Variants in RPS6KA5 observed in about 807,000 individuals in gnomAD.
The protein encoded by RPS6KA5 is ribosomal protein S6 kinase A5.
In RPS6KA5, 27 loss-of-function variants were observed where a neutral mutation model predicts 85.5. The ratio of observed to expected loss-of-function variants is 0.32; its 90% CI spans 0.23 to 0.44. The LOEUF (loss-of-function observed/expected upper bound fraction) is 0.44. Ranked by LOEUF, RPS6KA5 falls within the 20% of genes least tolerant of loss-of-function variation. The probability of loss-of-function intolerance (pLI) is 1.00; values close to 1 mark genes in which losing one functional copy is unlikely to be tolerated. For missense variants in RPS6KA5, 811 were observed against 980.9 expected (o/e 0.83, Z 2.31); for synonymous variants, 334 against 348.2 (o/e 0.96, Z 0.46).
At chr14:90,893,637 ATAAT>A (rs2034676272) in intron 13 of RPS6KA5, among the ~76,000 whole-genome samples, 2 of 152,166 alleles carry the variant, frequency 1.3e-5, no homozygotes, top group Non-Finnish European at 1.5e-5. Context: ...TAATCACATG[ATAAT>A]TAAACAAAGT....
At chr14:90,906,074 TAATTTCACC>T in intron 8 of RPS6KA5, 66 bp downstream of exon 8, 4 of 1,381,476 alleles carry the variant, frequency 2.9e-6, no homozygotes, top group Non-Finnish European at 3.9e-6. Context: ...CTGTGTTCAC[TAATTTCACC>T]AAGAACGCCA....
rs1057035483 is a variant in RPS6KA5, at chr14:90,850,330, A to C, written c.*21744T>G. On this transcript the variant is annotated 3_prime_UTR_variant, in exon 17 of 17. Coordinates refer to ENST00000614987, the MANE Select transcript of RPS6KA5 (RefSeq NM_004755.4). ...AGTCATGATTGTAGTCAATTTTAAA[A>C]ATAGACATCCTTTCCCTTCTTGCTC... 33 of 152,202 alleles carry C rather than the reference A, an allele frequency of 2.2e-4. No homozygotes were observed. The highest frequency in any genetic ancestry group is 8.0e-4 in the African/African-American group (33 of 41,448). 9.4% of individuals were successfully genotyped at this position (152,202 alleles called of 1,614,324 possible).
At chr14:90,938,379 C>T (rs1053474008) in intron 5 of RPS6KA5, among the ~76,000 whole-genome samples, 5 of 152,254 alleles carry the variant, frequency 3.3e-5, no homozygotes, top group East Asian at 1.9e-4. Context: ...GTGCACGGTG[C>T]GAGCTGTTGG....
intron 14 of RPS6KA5, 129 bp from the exon 15 acceptor site, chr14:90,875,489 T>C: frequency 2.5e-6 from 2 of 803,120 alleles, no homozygotes; most frequent in Non-Finnish European, 3.8e-6. Flanking sequence ...GTTTAAAAGA[T>C]TACGTGATTC....
rs543710455 is a variant in RPS6KA5, at chr14:90,978,946, T to C, written c.176-422A>G. On this transcript the variant is annotated intron_variant, in intron 2 of 16. Transcript: ENST00000614987. ...GGCAGTTCTTAATAAGAATTTCATA[T>C]ATATATAAATCAAATGCCTCAATTA... Among the ~76,000 whole-genome samples, 14 of 152,240 alleles carry C rather than the reference T, an allele frequency of 9.2e-5. 1 individual carries two copies. In the East Asian group the frequency reaches 2.7e-3, roughly 29 times the overall value.
Position 90,868,467 on chromosome 14 carries a change from T to C in RPS6KA5, c.*3607A>G, listed in dbSNP as rs1791853099. On this transcript the variant is annotated 3_prime_UTR_variant, in exon 17 of 17. Coordinates refer to ENST00000614987, the MANE Select transcript of RPS6KA5 (RefSeq NM_004755.4). ...CATGATGTTACAGTAATAATTCATCTATATAACAATTATTTTGACATAAGT... is the reference window on the plus strand; with the variant it reads ...CATGATGTTACAGTAATAATTCATCCATATAACAATTATTTTGACATAAGT... 1.3e-5 allele frequency: 2 copies of C among 152,192 alleles called. No homozygotes were observed. The highest frequency in any genetic ancestry group is 4.8e-5 in the African/African-American group (2 of 41,448). The allele number at this position is 152,192 out of a possible 1,614,324, so 9.4% of individuals were successfully genotyped here.
intron 2 of RPS6KA5, among the ~76,000 whole-genome samples, chr14:90,984,900 G>T (rs899128348): frequency 1.3e-5 from 2 of 151,784 alleles, no homozygotes; most frequent in Non-Finnish European, 2.9e-5. Flanking sequence ...CATTTTATTT[G>T]CAAAATTTGA....
At chr14:90,947,657 T>C (rs990607358) in intron 3 of RPS6KA5, 107 bp from the exon 4 acceptor site, 13 of 661,122 alleles carry the variant, frequency 2.0e-5, no homozygotes, top group African/African-American at 9.1e-5. Flanking sequence ...TTTTAATATA[T>C]TGCTATATAC....
At chr14:90,959,655 A>G (rs2038696757) in intron 3 of RPS6KA5, among the ~76,000 whole-genome samples, 1 of 152,234 alleles carries the variant, frequency 6.6e-6, no homozygotes, top group African/African-American at 2.4e-5. Flanking sequence ...AATGGTAGTC[A>G]TCACCACCAC....
At position 90,858,100 on chromosome 14, in the gene RPS6KA5, C is replaced by G. The variant is rs548442136; in HGVS notation, c.*13974G>C. 1 of 152,126 alleles carries G rather than the reference C, an allele frequency of 6.6e-6. No individual in the cohort carries two copies. The highest frequency in any genetic ancestry group is 6.5e-5 in the Admixed American group (1 of 15,274). 9.4% of individuals were successfully genotyped at this position (152,126 alleles called of 1,614,324 possible). A position where few individuals can be genotyped will look rare whatever the true frequency, so the allele number is the denominator to read the frequency against. On this transcript the variant is annotated 3_prime_UTR_variant, in exon 17 of 17. Transcript: ENST00000614987. ...ATTGGACTAGCCCTCCTACTGAAAA[C>G]AACGATGAAAGCTATATTAACCCTT...
At chr14:91,038,451 A>C (rs2042481920) in intron 1 of RPS6KA5, among the ~76,000 whole-genome samples, 1 of 152,238 alleles carries the variant, frequency 6.6e-6, no homozygotes, top group South Asian at 2.1e-4. Flanking sequence ...TCCCAAAGAC[A>C]ATCTGGAACC....
At chr14:90,893,536 CAAA>C (rs2034672647) in intron 13 of RPS6KA5, among the ~76,000 whole-genome samples, 1 of 151,888 alleles carries the variant, frequency 6.6e-6, no homozygotes, top group Non-Finnish European at 1.5e-5. Context: ...AAGTAAAAGG[CAAA>C]AATAGTGCTT....
At chr14:90,956,787 T>C (rs976923050) in intron 3 of RPS6KA5, among the ~76,000 whole-genome samples, 2 of 152,000 alleles carry the variant, frequency 1.3e-5, no homozygotes, top group Non-Finnish European at 2.9e-5. Context: ...ATTAATTCTA[T>C]ATATCTATAT....
At chr14:90,996,399 T>C (rs2040522817) in intron 2 of RPS6KA5, among the ~76,000 whole-genome samples, 3 of 152,148 alleles carry the variant, frequency 2.0e-5, no homozygotes, top group Admixed American at 6.5e-5. Flanking sequence ...TTATGTACTA[T>C]AAAATTCAAT....
intron 1 of RPS6KA5, among the ~76,000 whole-genome samples, chr14:91,034,543 A>G (rs1053244821): frequency 6.6e-6 from 1 of 152,182 alleles, no homozygotes; most frequent in Non-Finnish European, 1.5e-5. Context: ...TTGTAAACGC[A>G]CCAATCAGCA....
intron 4 of RPS6KA5, among the ~76,000 whole-genome samples, chr14:90,944,863 C>G (rs1347494576): frequency 6.6e-6 from 1 of 151,566 alleles, no homozygotes; most frequent in Non-Finnish European, 1.5e-5. Context: ...GGGGCCACAG[C>G]AACCTATGAT....
intron 7 of RPS6KA5, among the ~76,000 whole-genome samples, chr14:90,913,423 G>C (rs2035941755): frequency 6.6e-6 from 1 of 152,120 alleles, no homozygotes. Flanking sequence ...TTAATTTATA[G>C]CATCTTCTAT....
At chr14:90,941,266 G>A (rs758170335) in intron 5 of RPS6KA5, among the ~76,000 whole-genome samples, 5 of 152,040 alleles carry the variant, frequency 3.3e-5, no homozygotes, top group Non-Finnish European at 5.9e-5. Context: ...CTGTGGCACC[G>A]GGTGGGATTG....
intron 3 of RPS6KA5, among the ~76,000 whole-genome samples, chr14:90,964,674 G>C (rs958011126): frequency 6.6e-6 from 1 of 152,026 alleles, no homozygotes; most frequent in Admixed American, 6.5e-5. Flanking sequence ...AGCACTTTGG[G>C]AGACTGAGAT....
Sources: allele counts gnomAD v4.1 joint callset (sites outside exome capture counted in the v4.1 genomes callset), GRCh38; gene constraint gnomAD v4.1.1; transcripts MANE v1.5; gene names NCBI Gene and HGNC (gene_info 2026-07-23, HGNC 2026-07-21).